Variants in CBR4 observed in about 807,000 individuals in gnomAD.
CBR4 encodes the protein 3-oxoacyl-[acyl-carrier-protein] reductase.
In CBR4, 22 loss-of-function variants were observed where a neutral mutation model predicts 21.0. The observed-to-expected ratio is 1.05, with a 90% CI of 0.75 to 1.50. The LOEUF is 1.50. CBR4 is among the 40% of genes most tolerant of loss of function. The probability of loss-of-function intolerance (pLI) is 0.00; values close to 1 mark genes in which losing one functional copy is unlikely to be tolerated. For missense variants in CBR4, 302 were observed against 286.3 expected, an observed-to-expected ratio of 1.05 and a Z score of -0.40; for synonymous variants, 100 against 104.4, an observed-to-expected ratio of 0.96 and a Z score of 0.26.
chr4:168,936,890 A>G (rs1763127551), intron 2 of CBR4, among the ~76,000 whole-genome samples: 1 of 152,228 alleles, frequency 6.6e-6, no homozygotes, highest in Non-Finnish European at 1.5e-5. Flanking sequence ...GAACTTCCCC[A>G]ACCTAGCAAG....
intron 2 of CBR4, chr4:168,926,092 C>G: frequency 1.3e-6 from 1 of 764,324 alleles, no homozygotes; most frequent in African/African-American, 1.8e-5. Context: ...TTCCATGTTT[C>G]TACCATGGAT....
intron 2 of CBR4, among the ~76,000 whole-genome samples, chr4:168,952,675 T>C (rs554703746): frequency 1.1e-4 from 16 of 152,262 alleles, no homozygotes; most frequent in African/African-American, 2.4e-5. Context: ...GCTGCAGTGA[T>C]TGTTATCTCT....
intron 2 of CBR4, among the ~76,000 whole-genome samples, chr4:168,916,223 G>A (rs1441481464): frequency 6.6e-6 from 1 of 152,106 alleles, no homozygotes; most frequent in East Asian, 1.9e-4. Flanking sequence ...GACCAGCCTG[G>A]GTAATATGGA....
Position 168,987,836 on chromosome 4 carries a change from T to C in CBR4, c.*2314A>G, listed in dbSNP as rs541242412. 10 of 977,336 alleles carry C rather than the reference T, an allele frequency of 1.0e-5. No homozygotes were observed. In the South Asian group the frequency reaches 3.8e-4, roughly 37 times the overall value. The allele number at this position is 977,336 out of a possible 1,614,324, so 60.5% of individuals were successfully genotyped here. A position where few individuals can be genotyped will look rare whatever the true frequency, so the allele number is the denominator to read the frequency against. On this transcript the variant is annotated 3_prime_UTR_variant, in exon 5 of 5. Transcript: ENST00000306193. ...AAAACTAATTTATAACATATAATTA[T>C]CTCCCTAAAAAGCAGTTACAAACCA...
At chr4:169,002,016 C>G in intron 4 of CBR4, 55 bp downstream of exon 4, 1 of 1,361,556 alleles carries the variant, frequency 7.3e-7, no homozygotes, top group Non-Finnish European at 9.9e-7. Context: ...CAAATAATGG[C>G]TTCCCTATAA....
chr4:168,985,180 A>G (rs1398629781), downstream of CBR4, among the ~76,000 whole-genome samples: 1 of 152,218 alleles, frequency 6.6e-6, no homozygotes, highest in Non-Finnish European at 1.5e-5. Context: ...AGAATCTATC[A>G]GGAACTCAAA....
At position 169,006,838 on chromosome 4, in the gene CBR4, G is replaced by A; in HGVS notation, c.317C>T (p.Thr106Ile). 2 of 1,613,070 alleles carry A rather than the reference G, an allele frequency of 1.2e-6. No homozygotes were observed. The highest frequency in any genetic ancestry group is 1.7e-6 in the Non-Finnish European group (2 of 1,179,038). ...KTEDMVSQLHTNLLGSMLTCK... is the reference protein window; with the variant it reads ...KTEDMVSQLHINLLGSMLTCK... ...GGTCAGCATGGAACCCAAGAGGTTA[G>A]TATGAAGCTGAGATACCATATCTTC... The change falls in exon 3 of 5, where the codon ACT becomes ATT. Residue 106 changes from threonine (T) to isoleucine (I), a missense_variant. Transcript: ENST00000306193.
chr4:168,944,823 T>G (rs984850084), intron 2 of CBR4, among the ~76,000 whole-genome samples: 4 of 152,032 alleles, frequency 2.6e-5, no homozygotes, highest in Admixed American at 6.5e-5. Flanking sequence ...GGTCTAGTTT[T>G]CAATTGTTTC....
chr4:168,972,033 G>A (rs926793725), intron 2 of CBR4, among the ~76,000 whole-genome samples: 4 of 152,182 alleles, frequency 2.6e-5, no homozygotes, highest in African/African-American at 9.6e-5. Flanking sequence ...AGCACCATTT[G>A]TTGAATAGGG....
Position 168,935,575 on chromosome 4 carries a change from G to A in CBR4, n.170-40810C>T, listed in dbSNP as rs184287054. On this transcript the variant is annotated intron_variant and non_coding_transcript_variant, in intron 2 of 3. Transcript: ENST00000509108. ...ACCTGGGACACCCCAGCTTGGTGAGGGAGGGGTGTCTGCCATTACTGAGGC... is the reference window on the plus strand; with the variant it reads ...ACCTGGGACACCCCAGCTTGGTGAGAGAGGGGTGTCTGCCATTACTGAGGC... Among the ~76,000 whole-genome samples the A allele has an allele frequency of 5.4e-3, 824 of 152,286 alleles. 4 individuals carry two copies. The highest frequency in any genetic ancestry group is 8.7e-3 in the Non-Finnish European group (592 of 68,012).
At chr4:168,906,630 GTTTA>G (rs1757859346) in intron 2 of CBR4, among the ~76,000 whole-genome samples, 2 of 151,950 alleles carry the variant, frequency 1.3e-5, no homozygotes, top group African/African-American at 4.8e-5. Context: ...AGAAATTTTT[GTTTA>G]TTCATTTAGA....
intron 4 of CBR4, among the ~76,000 whole-genome samples, chr4:168,993,383 G>T (rs1277731293): frequency 6.6e-6 from 1 of 152,012 alleles, no homozygotes; most frequent in East Asian, 1.9e-4. Context: ...GCTAATTTTT[G>T]TATTACTAGT....
Position 168,942,237 on chromosome 4 carries a change from G to T in CBR4, n.170-47472C>A, listed in dbSNP as rs533183040. Among the ~76,000 whole-genome samples the T allele has an allele frequency of 9.4e-4, 142 of 151,762 alleles. 1 individual carries two copies. Among genetic ancestry groups the T allele is most frequent in the African/African-American group, 3.3e-3 (137 of 41,346 alleles). ...ATCACAAACCAGGGCCTGTTGGGGG[G>T]TGGGGAGCAAGGGGAGGGAGAGCAT... On this transcript the variant is annotated intron_variant and non_coding_transcript_variant, in intron 2 of 3. Coordinates refer to the CBR4 transcript ENST00000509108.
chr4:168,956,439 A>AC (rs1448671567), intron 2 of CBR4, among the ~76,000 whole-genome samples: 2 of 151,834 alleles, frequency 1.3e-5, no homozygotes, highest in Admixed American at 6.6e-5. Flanking sequence ...CACAAAAAAA[A>AC]ACACAAAAAT....
chr4:168,925,179 G>C, intron 2 of CBR4: 1 of 1,580,308 alleles, frequency 6.3e-7, no homozygotes, highest in Non-Finnish European at 8.7e-7. Flanking sequence ...AACAACTATT[G>C]TGTTTTATTT....
chr4:168,943,316 C>T (rs182787033), intron 2 of CBR4, among the ~76,000 whole-genome samples: 1 of 152,290 alleles, frequency 6.6e-6, no homozygotes, highest in African/African-American at 2.4e-5. Flanking sequence ...CCAGCTCATA[C>T]ACCCAGTACA....
intron 2 of CBR4, among the ~76,000 whole-genome samples, chr4:168,944,177 G>A (rs959829628): frequency 1.3e-5 from 2 of 151,982 alleles, no homozygotes; most frequent in Non-Finnish European, 2.9e-5. Flanking sequence ...GAGTGTAGTG[G>A]TTCACACCTG....
At chr4:168,987,249 T>C (rs2126796577), downstream of CBR4, among the ~76,000 whole-genome samples, 1 of 152,298 alleles carries the variant, frequency 6.6e-6, no homozygotes, top group Middle Eastern at 3.4e-3. Context: ...CAAAGTCGCA[T>C]AAAAAGCCAA....
At chr4:168,910,372 A>C (rs1022805168) in intron 2 of CBR4, among the ~76,000 whole-genome samples, 1 of 152,028 alleles carries the variant, frequency 6.6e-6, no homozygotes, top group African/African-American at 2.4e-5. Flanking sequence ...TGTGCTTAGC[A>C]CCTTTCAAGC....
Sources: allele counts gnomAD v4.1 joint callset (sites outside exome capture counted in the v4.1 genomes callset), GRCh38; gene constraint gnomAD v4.1.1; transcripts MANE v1.5; gene names NCBI Gene and HGNC (gene_info 2026-07-23, HGNC 2026-07-21).